The following PDGFD variants were observed in gnomAD, a reference collection of about 807,000 sequenced individuals.
PDGFD encodes the protein platelet-derived growth factor D.
A neutral mutation model predicts 44.7 loss-of-function variants in PDGFD; 30 were observed. That is an observed-to-expected ratio of 0.67 (90% CI 0.50 to 0.91). The LOEUF (loss-of-function observed/expected upper bound fraction) is 0.91, where lower values mean the gene tolerates loss of function less well. PDGFD is among the 40% of genes least tolerant of loss of function. The probability of loss-of-function intolerance (pLI) is 0.00; values close to 1 mark genes in which losing one functional copy is unlikely to be tolerated. For missense variants in PDGFD, 445 were observed against 457.8 expected (o/e 0.97, Z 0.25); for synonymous variants, 173 against 168.4 (o/e 1.03, Z -0.21).
At chr11:104,130,505 G>A (rs908506368) in intron 1 of PDGFD, among the ~76,000 whole-genome samples, 1 of 152,188 alleles carries the variant, frequency 6.6e-6, no homozygotes, top group South Asian at 2.1e-4. Context: ...GCTCTGGAAA[G>A]GGCAGTATCT....
At chr11:103,930,657 A>G (rs1390129084) in intron 5 of PDGFD, among the ~76,000 whole-genome samples, 1 of 152,060 alleles carries the variant, frequency 6.6e-6, no homozygotes. Flanking sequence ...AGCCCAGTGT[A>G]AAGATTTGAA....
chr11:103,942,613 C>T (rs1858602459), intron 5 of PDGFD, among the ~76,000 whole-genome samples: 6 of 152,002 alleles, frequency 3.9e-5, no homozygotes, highest in African/African-American at 7.2e-5. Context: ...ATTTATATCT[C>T]GAGCACATAA....
chr11:103,909,739 G>A lies in PDGFD; in HGVS notation c.1068C>T (p.His356=). Residue 356 remains histidine, a synonymous_variant, in exon 7 of 7, where the codon CAC becomes CAT. Transcript: ENST00000393158. The stretch of plus-strand genomic sequence containing the variant: ...TGCAGATACAATCACATCGTTCATG[G>A]TGATCCAACTGGATGTCAACTAGAG... The part of the protein sequence containing the change: ...TMALVDIQLD[H]HERCDCICSS... The A allele has an allele frequency of 1.2e-6, 2 of 1,614,006 alleles. No homozygotes were observed. Among genetic ancestry groups the A allele is most frequent in the Non-Finnish European group, 1.7e-6 (2 of 1,179,888 alleles).
At chr11:103,951,252 A>T (rs1227931979) in intron 3 of PDGFD, among the ~76,000 whole-genome samples, 1 of 152,188 alleles carries the variant, frequency 6.6e-6, no homozygotes, top group Non-Finnish European at 1.5e-5. Flanking sequence ...TATAAAAATA[A>T]AACACCGAAC....
At chr11:104,052,160 A>T (rs985487186) in intron 1 of PDGFD, among the ~76,000 whole-genome samples, 2 of 152,164 alleles carry the variant, frequency 1.3e-5, no homozygotes, top group African/African-American at 4.8e-5. Flanking sequence ...TAATGTCTTC[A>T]AGACTTATCC....
At chr11:104,066,877 C>A (rs1051839463) in intron 1 of PDGFD, among the ~76,000 whole-genome samples, 2 of 152,034 alleles carry the variant, frequency 1.3e-5, no homozygotes, top group Non-Finnish European at 2.9e-5. Context: ...ACTTATACAA[C>A]CAAATTCTAG....
intron 1 of PDGFD, among the ~76,000 whole-genome samples, chr11:104,114,879 GT>G (rs113492620): frequency 0.014 from 2,060 of 142,264 alleles, 43 homozygotes; most frequent in African/African-American, 0.048. Context: ...ACATTTTTAG[GT>G]TTTTTTTTTT....
chr11:104,034,044 C>T (rs143782895), intron 1 of PDGFD, among the ~76,000 whole-genome samples: 5 of 152,236 alleles, frequency 3.3e-5, no homozygotes, highest in African/African-American at 1.2e-4. Flanking sequence ...TCCTTCTCAC[C>T]TTTGTGTCTC....
At chr11:104,089,365 C>A (rs1861178278) in intron 1 of PDGFD, among the ~76,000 whole-genome samples, 1 of 152,104 alleles carries the variant, frequency 6.6e-6, no homozygotes, top group South Asian at 2.1e-4. Context: ...ACTGTATTAC[C>A]AGTGCTGAAT....
intron 1 of PDGFD, among the ~76,000 whole-genome samples, chr11:104,057,884 T>C (rs1860647204): frequency 6.6e-6 from 1 of 152,202 alleles, no homozygotes; most frequent in African/African-American, 2.4e-5. Context: ...GGTCAATTGA[T>C]TTGCAATAAA....
intron 6 of PDGFD, among the ~76,000 whole-genome samples, chr11:103,926,090 G>GA (rs148493461): frequency 0.091 from 13,912 of 152,136 alleles, 707 homozygotes; most frequent in African/African-American, 0.12. Flanking sequence ...ATAGACCCTG[G>GA]AACCAGTGGA....
At chr11:104,149,922 C>T (rs1862218019) in intron 1 of PDGFD, among the ~76,000 whole-genome samples, 1 of 152,128 alleles carries the variant, frequency 6.6e-6, no homozygotes, top group East Asian at 1.9e-4. Flanking sequence ...CTGTATATAT[C>T]TTCTGTTCCC....
intron 5 of PDGFD, among the ~76,000 whole-genome samples, chr11:103,931,578 T>TTTTCC (rs1858400083): frequency 6.6e-6 from 1 of 151,916 alleles, no homozygotes; most frequent in Admixed American, 6.6e-5. Flanking sequence ...TCAGTAATCT[T>TTTTCC]TTTCTTTTCT....
At chr11:104,111,249 TTAA>T (rs74309609) in intron 1 of PDGFD, among the ~76,000 whole-genome samples, 14,549 of 149,376 alleles carry the variant, frequency 0.097, 840 homozygotes, top group East Asian at 0.3. Context: ...GATCTGTGTA[TTAA>T]TTATTAATTC....
At chr11:104,054,729 G>C (rs562594167) in intron 1 of PDGFD, among the ~76,000 whole-genome samples, 1 of 152,140 alleles carries the variant, frequency 6.6e-6, no homozygotes, top group Non-Finnish European at 1.5e-5. Flanking sequence ...AAGGGTAAAG[G>C]GAAAACGTTG....
intron 1 of PDGFD, among the ~76,000 whole-genome samples, chr11:104,000,594 C>T (rs989838296): frequency 6.6e-6 from 1 of 152,164 alleles, no homozygotes; most frequent in East Asian, 1.9e-4. Flanking sequence ...AAACAAACAA[C>T]ACATCTTTCT....
At chr11:104,057,023 G>C (rs534457337) in intron 1 of PDGFD, among the ~76,000 whole-genome samples, 1 of 152,136 alleles carries the variant, frequency 6.6e-6, no homozygotes, top group Non-Finnish European at 1.5e-5. Flanking sequence ...AGCTACTCGG[G>C]AGGCTGAGGC....
intron 1 of PDGFD, among the ~76,000 whole-genome samples, chr11:104,105,108 G>C (rs1431438364): frequency 6.6e-6 from 1 of 152,116 alleles, no homozygotes; most frequent in Non-Finnish European, 1.5e-5. Context: ...TGGGGGATCC[G>C]TGATTATCAT....
intron 1 of PDGFD, 65 bp from the exon 2 acceptor site, chr11:104,000,320 A>G: frequency 7.3e-7 from 1 of 1,367,124 alleles, no homozygotes; most frequent in Non-Finnish European, 1.0e-6. Context: ...TCAAAAAAAG[A>G]GAACAGTTTA....
Sources: gnomAD v4.1 joint callset for allele counts (sites outside exome capture counted in the v4.1 genomes callset) on GRCh38, gnomAD v4.1.1 for gene constraint, MANE v1.5 for transcripts, NCBI Gene and HGNC (gene_info 2026-07-23, HGNC 2026-07-21) for gene names.